IGFL3: variants seen among roughly 807,000 people sequenced by gnomAD.
The protein encoded by IGFL3 is IGF like family member 3.
Under a neutral mutation model 17.0 loss-of-function variants are expected in IGFL3, and 12 were observed. The observed-to-expected ratio is 0.71, with a 90% CI of 0.45 to 1.14. The LOEUF (loss-of-function observed/expected upper bound fraction) is 1.14. Among genes scored for constraint, IGFL3 ranks in the 50% most tolerant of loss-of-function variants. The pLI, the probability that IGFL3 is intolerant of heterozygous loss-of-function variation, is 0.00. For synonymous variants in IGFL3, 52 were observed against 57.4 expected, an observed-to-expected ratio of 0.91 and a Z score of 0.42; for missense variants, 153 against 151.6, an observed-to-expected ratio of 1.01 and a Z score of -0.05.
At chr19:46,124,515 C>T in intron 1 of IGFL3, 110 bp downstream of exon 1, 1 of 1,223,592 alleles carries the variant, frequency 8.2e-7, no homozygotes, top group Middle Eastern at 1.9e-4. Context: ...ACTAGTAGGG[C>T]ACAGGAGGCT....
chr19:46,120,189 G>A lies in IGFL3; in HGVS notation c.*141C>T, dbSNP rs1031716069. 1 of 1,215,428 alleles carries A rather than the reference G, an allele frequency of 8.2e-7. No homozygotes were observed. The highest frequency in any genetic ancestry group is 2.6e-5 in the Admixed American group (1 of 38,588). 75.3% of individuals were successfully genotyped at this position (1,215,428 alleles called of 1,614,324 possible). On this transcript the variant is annotated 3_prime_UTR_variant, in exon 4 of 4. Coordinates refer to ENST00000341415, the MANE Select transcript of IGFL3 (RefSeq NM_207393.2). The stretch of plus-strand genomic sequence containing the variant: ...CCTGAAGTCTGGCCATCCCCAGCTG[G>A]GCTCCTCTCCAAAGCTATGTCATTG...
chr19:46,124,585 AATGAG>A, intron 1 of IGFL3, 35 bp downstream of exon 1: 1 of 1,576,286 alleles, frequency 6.3e-7, no homozygotes, highest in Non-Finnish European at 8.7e-7. Flanking sequence ...CTGCACTGGG[AATGAG>A]ATGAGATGAT....
At position 46,124,275 on chromosome 19, in the gene IGFL3, TC is replaced by T. The variant is rs1306644686; in HGVS notation, c.71del (p.Gly24GlufsTer40). 6.2e-7 allele frequency: 1 copy of T among 1,610,796 alleles called. No individual in the cohort carries two copies. The highest frequency in any genetic ancestry group is 1.4e-5 in the African/African-American group (1 of 73,768). On this transcript the variant is annotated frameshift_variant, in exon 2 of 4. Coordinates refer to ENST00000341415, the MANE Select transcript of IGFL3 (RefSeq NM_207393.2). LOFTEE classifies it high-confidence loss of function. The stretch of plus-strand genomic sequence containing the variant: ...TCCCTGTCCTGTCCTTACCTGTAGT[TC>T]CTTTTGAACACTGGAGGAGGAAGAC... Reference protein sequence around the residue: ...ITVFLLQCSKGTTDAPVGSGL... With the variant: ...ITVFLLQCSKXTTDAPVGSGL...
At chr19:46,123,578 G>C (rs1218096755) in intron 3 of IGFL3, among the ~76,000 whole-genome samples, 4 of 150,610 alleles carry the variant, frequency 2.7e-5, no homozygotes, top group African/African-American at 7.4e-5. Context: ...CCTGACACTG[G>C]ATTATTTAGC....
chr19:46,124,387 A>G, intron 1 of IGFL3, 66 bp from the exon 2 acceptor site: 9 of 1,493,598 alleles, frequency 6.0e-6, no homozygotes, highest in Non-Finnish European at 7.4e-6. Flanking sequence ...AAAAACAAAC[A>G]AACAAACAAA....
At position 46,120,181 on chromosome 19, in the gene IGFL3, C is replaced by G; in HGVS notation, c.*149G>C. On this transcript the variant is annotated 3_prime_UTR_variant, in exon 4 of 4. Transcript: ENST00000341415. ...ATTCTTCCCCTGAAGTCTGGCCATC[C>G]CCAGCTGGGCTCCTCTCCAAAGCTA... 1 of 1,142,006 alleles carries G rather than the reference C, an allele frequency of 8.8e-7. No homozygotes were observed. Among genetic ancestry groups the G allele is most frequent in the Non-Finnish European group, 1.2e-6 (1 of 836,548 alleles). The allele number at this position is 1,142,006 out of a possible 1,614,324, so 70.7% of individuals were successfully genotyped here.
rs901568821 is a variant in IGFL3 at position 46,124,678 on chromosome 19, A to C, written c.-29T>G. 1.9e-6 allele frequency: 3 copies of C among 1,603,068 alleles called. No homozygotes were observed. Among genetic ancestry groups the C allele is most frequent in the Middle Eastern group, 1.7e-4 (1 of 6,040 alleles). On this transcript the variant is annotated 5_prime_UTR_variant, in exon 1 of 4. Transcript: ENST00000341415. Reference sequence around the variant, plus strand: ...TCCAAAGATGCTCTAGGAGAATTGAAGAAGAGTGGTAAAAGGCTGGAACTT... The same window carrying C: ...TCCAAAGATGCTCTAGGAGAATTGACGAAGAGTGGTAAAAGGCTGGAACTT...
chr19:46,120,467 A>G (rs1971698897), intron 3 of IGFL3, 110 bp from the exon 4 acceptor site: 1 of 1,486,056 alleles, frequency 6.7e-7, no homozygotes. Flanking sequence ...CTTGACTGCT[A>G]CACCAGATGT....
At position 46,123,879 on chromosome 19, in the gene IGFL3, C is replaced by T. The variant is rs762700751; in HGVS notation, c.350+7G>A. On this transcript the variant is annotated splice_region_variant and intron_variant, in intron 3 of 3. Coordinates refer to ENST00000341415, the MANE Select transcript of IGFL3 (RefSeq NM_207393.2). ...CCTTTAGTTAAGAGCAAGGTAGGGACCTTTACCTGGTACAGCTCCGGGAGA... is the reference window on the plus strand; with the variant it reads ...CCTTTAGTTAAGAGCAAGGTAGGGATCTTTACCTGGTACAGCTCCGGGAGA... 6.2e-7 allele frequency: 1 copy of T among 1,606,156 alleles called. No homozygotes were observed. The highest frequency in any genetic ancestry group is 8.5e-7 in the Non-Finnish European group (1 of 1,177,046).
chr19:46,123,855 C>T, intron 3 of IGFL3, 31 bp downstream of exon 3: 3 of 1,578,422 alleles, frequency 1.9e-6, no homozygotes, highest in Non-Finnish European at 2.6e-6. Context: ...TCCCTCATTC[C>T]TTTAGTTAAG....
chr19:46,124,671 G>A lies in IGFL3; in HGVS notation c.-22C>T. 6.2e-7 allele frequency: 1 copy of A among 1,605,084 alleles called. No homozygotes were observed. The highest frequency in any genetic ancestry group is 8.5e-7 in the Non-Finnish European group (1 of 1,174,312). ...TCATGCTTCCAAAGATGCTCTAGGA[G>A]AATTGAAGAAGAGTGGTAAAAGGCT... On this transcript the variant is annotated 5_prime_UTR_variant, in exon 1 of 4. Coordinates refer to ENST00000341415, the MANE Select transcript of IGFL3 (RefSeq NM_207393.2).
Position 46,124,116 on chromosome 19 carries a change from T to G in IGFL3, c.120A>C (p.Thr40=), listed in dbSNP as rs1329455733. The G allele has an allele frequency of 1.2e-6, 2 of 1,611,012 alleles. No homozygotes were observed. Among genetic ancestry groups the G allele is most frequent in the African/African-American group, 2.7e-5 (2 of 73,768 alleles). ...VGSGLWLCQP[T]PRCGNKIYNP... The stretch of plus-strand genomic sequence containing the variant: ...TGTAGATCTTGTTCCCACACCTGGG[T>G]GTCGGCTGGCACAGCCACAGTCCTG... Residue 40 remains threonine, a synonymous_variant, in exon 3 of 4, where the codon ACA becomes ACC. Transcript: ENST00000341415.
At chr19:46,122,672 A>C (rs1295223153) in intron 3 of IGFL3, among the ~76,000 whole-genome samples, 2 of 151,030 alleles carry the variant, frequency 1.3e-5, no homozygotes, top group Non-Finnish European at 2.9e-5. Context: ...ACATTCGGTT[A>C]CTGTCAGACA....
chr19:46,120,479 T>G (rs1971699189), intron 3 of IGFL3, 122 bp from the exon 4 acceptor site: 2 of 1,407,740 alleles, frequency 1.4e-6, no homozygotes, highest in Admixed American at 4.1e-5. Flanking sequence ...ACCAGATGTG[T>G]AGATATCAAC....
rs912751668 is a variant in IGFL3, at chr19:46,120,080, A to T, written c.*250T>A. 1 of 539,420 alleles carries T rather than the reference A, an allele frequency of 1.9e-6. No individual in the cohort carries two copies. The highest frequency in any genetic ancestry group is 2.0e-5 in the African/African-American group (1 of 50,152). The allele number at this position is 539,420 out of a possible 1,614,324, so 33.4% of individuals were successfully genotyped here. On this transcript the variant is annotated 3_prime_UTR_variant, in exon 4 of 4. Coordinates refer to ENST00000341415, the MANE Select transcript of IGFL3 (RefSeq NM_207393.2). ...TGCATGAACGAATTGAAGATGGTAA[A>T]TGTGGGGGATTTTATTGCCGATGAA... is the stretch of plus-strand genomic sequence containing the variant.
chr19:46,120,737 A>G (rs969495347), intron 3 of IGFL3, among the ~76,000 whole-genome samples: 2 of 151,000 alleles, frequency 1.3e-5, no homozygotes, highest in Admixed American at 1.3e-4. Context: ...AAACTTCTAT[A>G]ATTTGGTTAT....
At position 46,124,033 on chromosome 19, in the gene IGFL3, C is replaced by T. The variant is rs749082175; in HGVS notation, c.203G>A (p.Arg68His). The T allele has an allele frequency of 6.2e-6, 10 of 1,611,448 alleles. 1 individual carries two copies. The highest frequency in any genetic ancestry group is 1.4e-5 in the African/African-American group (1 of 73,896). ...CCAGAAGGTGCAGGTGGAGCCACAG[C>T]GGCGGGTCTCCTTTAAGGATAAGAT... The part of the protein sequence containing the change: ...DAILSLKETR[R>H]CGSTCTFWPC... The change falls in exon 3 of 4, where the codon CGC (arginine) becomes CAC (histidine). Residue 68 changes from arginine (R) to histidine (H), a missense_variant. Transcript: ENST00000341415.
intron 3 of IGFL3, 128 bp from the exon 4 acceptor site, chr19:46,120,485 T>C (rs1971699618): frequency 2.2e-6 from 3 of 1,349,452 alleles, no homozygotes; most frequent in Non-Finnish European, 3.0e-6. Flanking sequence ...TGTGTAGATA[T>C]CAACAGAAGG....
chr19:46,123,821 C>G, intron 3 of IGFL3, 65 bp downstream of exon 3: 1 of 1,506,838 alleles, frequency 6.6e-7, no homozygotes. Flanking sequence ...AGTTCCTCTT[C>G]AAGCCCTCTG....
Sources: gnomAD v4.1 joint callset for allele counts (sites outside exome capture counted in the v4.1 genomes callset) on GRCh38, gnomAD v4.1.1 for gene constraint, MANE v1.5 for transcripts, NCBI Gene and HGNC (gene_info 2026-07-23, HGNC 2026-07-21) for gene names.